The following VARS2 variants were observed in gnomAD, a reference collection of about 807,000 sequenced individuals.
VARS2 encodes the protein valine--tRNA ligase, mitochondrial.
A neutral mutation model predicts 154.1 loss-of-function variants in VARS2; 105 were observed. The observed-to-expected ratio is 0.68, with a 90% confidence interval of 0.58 to 0.80. The LOEUF is 0.80. VARS2 is among the 30% of genes least tolerant of loss of function. VARS2 has a pLI of 0.00. For missense variants in VARS2, 1,157 were observed against 1,361.4 expected (o/e 0.85, Z 2.36); for synonymous variants, 483 against 539.5 (o/e 0.90, Z 1.45).
rs1264297 is a variant in VARS2, at chr6:30,917,029, A to C, written c.753+70A>C. The C allele has an allele frequency of 0.33, 538,553 of 1,613,364 alleles. 93,578 individuals are homozygous for C. The highest frequency in any genetic ancestry group is 0.36 in the Non-Finnish European group (422,413 of 1,179,470). On this transcript the variant is annotated intron_variant, in intron 8 of 29. Transcript: ENST00000676266. The surrounding 1 kb of genome is among the most constrained non-coding windows in gnomAD (Gnocchi z 4.4). ...TAGGGATCTGTGTGGGGCAGGGAGGAAGCAATGCCTGGGTCCCTGAGCAGG... is the reference window on the plus strand; with the variant it reads ...TAGGGATCTGTGTGGGGCAGGGAGGCAGCAATGCCTGGGTCCCTGAGCAGG...
Position 30,924,870 on chromosome 6 carries a change from A to G in VARS2, c.2673+310A>G, listed in dbSNP as rs555462774. On this transcript the variant is annotated intron_variant, in intron 26 of 29. Transcript: ENST00000676266. Reference sequence around the variant, plus strand: ...ATGTTATGGTTGTGATGAGGGTTGGATAAGTTAGTAATAGGGTGTCCCCAA... The same window carrying G: ...ATGTTATGGTTGTGATGAGGGTTGGGTAAGTTAGTAATAGGGTGTCCCCAA... Among the ~76,000 whole-genome samples the G allele has an allele frequency of 3.3e-5, 5 of 152,294 alleles. No homozygotes were observed. In the South Asian group the frequency reaches 1.0e-3, roughly 32 times the overall value.
In VARS2 at chr6:30,919,159, C is replaced by G; in HGVS notation, c.1074+244C>G. The G allele has an allele frequency of 2.2e-6, 1 of 461,806 alleles. No homozygotes were observed. Among genetic ancestry groups the G allele is most frequent in the African/African-American group, 1.9e-5 (1 of 51,676 alleles). The allele number at this position is 461,806 out of a possible 1,614,324, so 28.6% of individuals were successfully genotyped here. ...TTTGAGACAGAGTCTCGCTCTGTCA[C>G]CAAGGCTGGAGGGCAGTGGTGTGAT... is the stretch of plus-strand genomic sequence containing the variant. On this transcript the variant is annotated intron_variant, in intron 11 of 29. Transcript: ENST00000676266. The surrounding 1 kb of genome is among the most constrained non-coding windows in gnomAD (Gnocchi z 4.5).
Position 30,918,841 on chromosome 6 carries a change from G to C in VARS2, c.1000G>C (p.Val334Leu), listed in dbSNP as rs1794331179. 1 of 1,612,996 alleles carries C rather than the reference G, an allele frequency of 6.2e-7. No individual in the cohort carries two copies. The highest frequency in any genetic ancestry group is 1.1e-5 in the South Asian group (1 of 91,074). The stretch of plus-strand genomic sequence containing the variant: ...TTTATCTTCAGATGCAGAGGTTGTG[G>C]TAGGAACCACAAGGCCAGAGACGCT... ...VDGEPDAEVV[V>L]GTTRPETLPG... is the part of the protein sequence containing the mutation. The change falls in exon 11 of 30, where the codon GTA becomes CTA. Residue 334 changes from valine (V) to leucine (L), a missense_variant. By Grantham distance (32) the Val-to-Leu change is conservative (BLOSUM62 1). Coordinates refer to ENST00000676266, the MANE Select transcript of VARS2 (RefSeq NM_020442.6).
chr6:30,919,908 C>A lies in VARS2; in HGVS notation c.1165+60C>A. On this transcript the variant is annotated intron_variant, in intron 12 of 29. Transcript: ENST00000676266. The surrounding 1 kb of genome is among the most constrained non-coding windows in gnomAD (Gnocchi z 4.5). ...GGGTCCTGGAGGAGAGGGGAGGGAA[C>A]CAGGAGGAAGAGGAAGGTGGGAGTG... 1 of 1,494,416 alleles carries A rather than the reference C, an allele frequency of 6.7e-7. No individual in the cohort carries two copies. Among genetic ancestry groups the A allele is most frequent in the Non-Finnish European group, 9.0e-7 (1 of 1,114,192 alleles). The allele number at this position is 1,494,416 out of a possible 1,614,324, so 92.6% of individuals were successfully genotyped here.
At position 30,919,153 on chromosome 6, in the gene VARS2, C is replaced by G; in HGVS notation, c.1074+238C>G. The G allele has an allele frequency of 2.1e-6, 1 of 483,660 alleles. No homozygotes were observed. Among genetic ancestry groups the G allele is most frequent in the Non-Finnish European group, 3.7e-6 (1 of 266,958 alleles). The allele number at this position is 483,660 out of a possible 1,614,324, so 30.0% of individuals were successfully genotyped here. A position where few individuals can be genotyped will look rare whatever the true frequency, so the allele number is the denominator to read the frequency against. On this transcript the variant is annotated intron_variant, in intron 11 of 29. Transcript: ENST00000676266. This position sits in a 1 kb window ranked among gnomAD's most constrained non-coding sequence, Gnocchi z 4.5. ...TTTTTTTTTGAGACAGAGTCTCGCT[C>G]TGTCACCAAGGCTGGAGGGCAGTGG... is the stretch of plus-strand genomic sequence containing the variant.
intron 25 of VARS2, chr6:30,924,041 C>T (rs777377986): frequency 2.1e-6 from 1 of 483,654 alleles, no homozygotes; most frequent in Non-Finnish European, 3.7e-6. Flanking sequence ...TGGCTGTGGA[C>T]CACTGCCCTA....
rs1299638864 is a variant in VARS2 at position 30,917,727 on chromosome 6, G to T, written c.906G>T (p.Gln302His). The T allele has an allele frequency of 2.6e-6, 4 of 1,566,936 alleles. No homozygotes were observed. The highest frequency in any genetic ancestry group is 3.5e-6 in the Non-Finnish European group (4 of 1,155,312). ...VENRPLPGHTQLRLPGCPTPV... is the reference protein window; with the variant it reads ...VENRPLPGHTHLRLPGCPTPV... Reference sequence around the variant, plus strand: ...ACCGGCCCCTGCCTGGCCACACACAGCTTCGACTGCCTGGCTGCCCCACCC... The same window carrying T: ...ACCGGCCCCTGCCTGGCCACACACATCTTCGACTGCCTGGCTGCCCCACCC... Residue 302 changes from glutamine to histidine, a missense_variant, in exon 10 of 30, where the codon CAG becomes CAT. Coordinates refer to ENST00000676266, the MANE Select transcript of VARS2 (RefSeq NM_020442.6). This position sits in a 1 kb window ranked among gnomAD's most constrained non-coding sequence, Gnocchi z 4.4.
Position 30,915,437 on chromosome 6 carries a change from C to T in VARS2, c.366C>T (p.Phe122=), listed in dbSNP as rs761602476. ...AWYPWWVREG[F]FKPEYQARLP... is the part of the protein sequence containing the mutation. ...ACCCGTGGTGGGTACGAGAGGGCTT[C>T]TTCAAACCAGAATATCAGGTTAGTA... The change falls in exon 4 of 30, where the codon TTC becomes TTT. Residue 122 remains phenylalanine, a synonymous_variant. Transcript: ENST00000676266. 3.1e-6 allele frequency: 5 copies of T among 1,614,098 alleles called. 1 individual carries two copies. In the South Asian group the frequency reaches 5.5e-5, roughly 18 times the overall value.
At chr6:30,922,590 G>T (rs751211747) in intron 21 of VARS2, 36 bp downstream of exon 21, 2 of 1,558,206 alleles carry the variant, frequency 1.3e-6, no homozygotes, top group East Asian at 2.3e-5. Flanking sequence ...GACAAGGTTT[G>T]CAGGGTTTGC....
chr6:30,918,377 GTT>G (rs1215064647), intron 10 of VARS2, among the ~76,000 whole-genome samples: 1 of 152,184 alleles, frequency 6.6e-6, no homozygotes, highest in Non-Finnish European at 1.5e-5. Context: ...CTAAGGTGTG[GTT>G]TTTACGGTAA....
In VARS2 at chr6:30,920,325, T is replaced by C; in HGVS notation, c.1294-8T>C. The C allele has an allele frequency of 6.2e-7, 1 of 1,605,262 alleles. No homozygotes were observed. The highest frequency in any genetic ancestry group is 8.5e-7 in the Non-Finnish European group (1 of 1,176,788). On this transcript the variant is annotated splice_polypyrimidine_tract_variant and splice_region_variant and intron_variant, in intron 13 of 29. Coordinates refer to ENST00000676266, the MANE Select transcript of VARS2 (RefSeq NM_020442.6). The surrounding 1 kb of genome is among the most constrained non-coding windows in gnomAD (Gnocchi z 4.6). Reference sequence around the variant, plus strand: ...CTTCAGTCTTTACTCTTGCCGCTTTTTCTCCAGGGTCTTCACCGGTTTGTG... The same window carrying C: ...CTTCAGTCTTTACTCTTGCCGCTTTCTCTCCAGGGTCTTCACCGGTTTGTG...
At chr6:30,915,084 G>A in intron 2 of VARS2, 47 bp downstream of exon 2, 1 of 1,611,218 alleles carries the variant, frequency 6.2e-7, no homozygotes, top group Non-Finnish European at 8.5e-7. Context: ...ACTTGAGAGG[G>A]GCTGGAGGAG....
At position 30,921,018 on chromosome 6, in the gene VARS2, G is replaced by A. The variant is rs746179280; in HGVS notation, c.1480-47G>A. On this transcript the variant is annotated intron_variant, in intron 15 of 29. Coordinates refer to ENST00000676266, the MANE Select transcript of VARS2 (RefSeq NM_020442.6). The surrounding 1 kb of genome is among the most constrained non-coding windows in gnomAD (Gnocchi z 4.6). ...CCACTCGTCCTATCTGTGGAGGTGC[G>A]GCCGTGCAGGAAGGGCAACATTGTC... 8.3e-6 allele frequency: 13 copies of A among 1,560,824 alleles called. No homozygotes were observed. In the South Asian group the frequency reaches 8.5e-5, roughly 10 times the overall value.
chr6:30,924,612 C>T, intron 26 of VARS2, 52 bp downstream of exon 26: 1 of 972,992 alleles, frequency 1.0e-6, no homozygotes. Context: ...GGGGGAGCAC[C>T]TTCTGAAGGG....
At chr6:30,924,301 G>A in intron 25 of VARS2, 53 bp from the exon 26 acceptor site, 1 of 1,592,196 alleles carries the variant, frequency 6.3e-7, no homozygotes, top group Non-Finnish European at 8.6e-7. Flanking sequence ...GTGGCTGTAG[G>A]GAGGAGGGCT....
At position 30,919,437 on chromosome 6, in the gene VARS2, G is replaced by A. The variant is rs139402831; in HGVS notation, c.1075-321G>A. On this transcript the variant is annotated intron_variant, in intron 11 of 29. Transcript: ENST00000676266. This position sits in a 1 kb window ranked among gnomAD's most constrained non-coding sequence, Gnocchi z 4.5. The stretch of plus-strand genomic sequence containing the variant: ...CCTGACCTCGTGATCTGCCCACCTC[G>A]GCCTCCCAAAGTGCTGGGATTACAG... The A allele has an allele frequency of 1.7e-4, 42 of 250,686 alleles. No homozygotes were observed. Among genetic ancestry groups the A allele is most frequent in the African/African-American group, 8.9e-4 (40 of 44,938 alleles). The allele number at this position is 250,686 out of a possible 1,614,324, so 15.5% of individuals were successfully genotyped here. A position where few individuals can be genotyped will look rare whatever the true frequency, so the allele number is the denominator to read the frequency against.
Position 30,922,243 on chromosome 6 carries a change from T to C in VARS2, c.1932+2T>C. On this transcript the variant is annotated splice_donor_variant, in intron 20 of 29. Transcript: ENST00000676266. LOFTEE classifies it high-confidence loss of function. ...ACAGGGCAGCTGCCCTTCAGCAAGG[T>C]AAGAGCCCTTCAGTGCCCTGCCGCT... is the stretch of plus-strand genomic sequence containing the variant. 6.2e-7 allele frequency: 1 copy of C among 1,610,074 alleles called. No homozygotes were observed. The highest frequency in any genetic ancestry group is 8.5e-7 in the Non-Finnish European group (1 of 1,178,728).
Position 30,917,903 on chromosome 6 carries a change from C to A in VARS2, c.985+97C>A. ...GCTAGGAACCCATCAGTCCATCTCT[C>A]ACATGTACCTTGGTAGTGTTCACCT... On this transcript the variant is annotated intron_variant, in intron 10 of 29. Transcript: ENST00000676266. The surrounding 1 kb of genome is among the most constrained non-coding windows in gnomAD (Gnocchi z 4.4). 7.9e-7 allele frequency: 1 copy of A among 1,264,764 alleles called. No individual in the cohort carries two copies. Among genetic ancestry groups the A allele is most frequent in the Non-Finnish European group, 1.1e-6 (1 of 893,670 alleles). The allele number at this position is 1,264,764 out of a possible 1,614,324, so 78.3% of individuals were successfully genotyped here. A position where few individuals can be genotyped will look rare whatever the true frequency, so the allele number is the denominator to read the frequency against.
At chr6:30,915,623 C>G (rs1202119866) in intron 4 of VARS2, 123 bp from the exon 5 acceptor site, 1 of 1,518,786 alleles carries the variant, frequency 6.6e-7, no homozygotes, top group Non-Finnish European at 8.9e-7. Context: ...TCCCTCCTCT[C>G]CACTCTCCTC....
Sources: gnomAD v4.1 joint callset for allele counts (sites outside exome capture counted in the v4.1 genomes callset) on GRCh38, gnomAD v4.1.1 for gene constraint, Gnocchi (gnomAD v3.1) non-coding constraint, MANE v1.5 for transcripts, NCBI Gene and HGNC (gene_info 2026-07-23, HGNC 2026-07-21) for gene names.